ZNF709: variants seen among roughly 807,000 people sequenced by gnomAD.
The protein encoded by ZNF709 is zinc finger protein 709.
ZNF709 carries 15 observed loss-of-function variants against 10.6 expected under a neutral mutation model. The ratio of observed to expected loss-of-function variants is 1.41; its 90% CI spans 0.95 to 2.18. The LOEUF (loss-of-function observed/expected upper bound fraction) is 2.18. Among genes scored for constraint, ZNF709 ranks in the 30% most tolerant of loss-of-function variants. The probability of loss-of-function intolerance (pLI) is 0.00; values close to 1 mark genes in which losing one functional copy is unlikely to be tolerated. For missense variants in ZNF709, 589 were observed against 774.0 expected (o/e 0.76, Z 2.84); for synonymous variants, 194 against 238.8 (o/e 0.81, Z 1.73).
chr19:12,482,834 C>T (rs1470513774), intron 1 of ZNF709, among the ~76,000 whole-genome samples: 1 of 152,074 alleles, frequency 6.6e-6, no homozygotes, highest in Non-Finnish European at 1.5e-5. Flanking sequence ...AACAACTGGG[C>T]CTTCGATTAC....
Position 12,466,758 on chromosome 19 carries a change from C to T in ZNF709, c.96G>A (p.Val32=), listed in dbSNP as rs541360219. ...CCAAGTTAACAAAGGTTTCTTGCAT[C>T]ACATCTCTGTAGAGTTTCTTCTGAG... ...GPSQKKLYRD[V]MQETFVNLAS... The change falls in exon 2 of 4, where the codon GTG becomes GTA. Residue 32 remains valine, a synonymous_variant. Coordinates refer to ENST00000397732, the MANE Select transcript of ZNF709 (RefSeq NM_152601.4). 1.3e-4 allele frequency: 217 copies of T among 1,613,874 alleles called. No homozygotes were observed. The highest frequency in any genetic ancestry group is 1.8e-4 in the Non-Finnish European group (208 of 1,179,976).
In ZNF709 at chr19:12,464,914, A is replaced by G. The variant is rs756567986; in HGVS notation, c.1008T>C (p.Tyr336=). Residue 336 remains tyrosine, a synonymous_variant, in exon 4 of 4, where the codon TAT becomes TAC. Coordinates refer to ENST00000397732, the MANE Select transcript of ZNF709 (RefSeq NM_152601.4). ...HERIHTGEKP[Y]DCKECGKAFI... ...ATGCTTTCCCACATTCCTTACAATC[A>G]TAGGGTTTCTCTCCTGTATGAATTC... 21 of 1,612,782 alleles carry G rather than the reference A, an allele frequency of 1.3e-5. No individual in the cohort carries two copies. Among genetic ancestry groups the G allele is most frequent in the Non-Finnish European group, 1.6e-5 (19 of 1,179,572 alleles).
intron 1 of ZNF709, among the ~76,000 whole-genome samples, chr19:12,479,185 C>G (rs972837630): frequency 2.6e-5 from 4 of 152,020 alleles, no homozygotes; most frequent in African/African-American, 9.7e-5. Flanking sequence ...CACCTGTAGT[C>G]CCAGCTACTG....
chr19:12,480,720 A>G (rs905507616), intron 1 of ZNF709, among the ~76,000 whole-genome samples: 3 of 151,304 alleles, frequency 2.0e-5, no homozygotes, highest in Non-Finnish European at 4.4e-5. Context: ...TTTTCCTTTC[A>G]GTTCCAGTGG....
intron 3 of ZNF709, 119 bp from the exon 4 acceptor site, chr19:12,465,852 C>T: frequency 1.2e-6 from 1 of 800,556 alleles, no homozygotes; most frequent in Non-Finnish European, 1.8e-6. Flanking sequence ...TTGCCATTTT[C>T]AGGGAAAGTG....
chr19:12,482,564 T>C (rs540994598), intron 1 of ZNF709, among the ~76,000 whole-genome samples: 1 of 152,274 alleles, frequency 6.6e-6, no homozygotes, highest in East Asian at 1.9e-4. Context: ...TCCTGGCCTT[T>C]ACAGACTTTC....
chr19:12,481,282 T>C (rs1970724751), intron 1 of ZNF709: 1 of 641,992 alleles, frequency 1.6e-6, no homozygotes, highest in Non-Finnish European at 1.9e-6. Context: ...CCAGGCTGGA[T>C]TGCAGTGCAC....
At chr19:12,473,049 G>A (rs773963983) in intron 1 of ZNF709, among the ~76,000 whole-genome samples, 1 of 152,184 alleles carries the variant, frequency 6.6e-6, no homozygotes, top group Non-Finnish European at 1.5e-5. Context: ...ATGAATGGAA[G>A]AAAGATCAAC....
At chr19:12,472,361 A>C (rs1970640598) in intron 1 of ZNF709, among the ~76,000 whole-genome samples, 1 of 151,762 alleles carries the variant, frequency 6.6e-6, no homozygotes, top group Admixed American at 6.6e-5. Context: ...ATCTCTACTA[A>C]AAATACAAAA....
intron 3 of ZNF709, among the ~76,000 whole-genome samples, chr19:12,466,178 TG>T (rs1333982407): frequency 1.3e-5 from 2 of 152,144 alleles, no homozygotes; most frequent in Non-Finnish European, 2.9e-5. Context: ...ACACCTCAGG[TG>T]ATCTGCCCAC....
At chr19:12,465,958 T>G (rs1402470769) in intron 3 of ZNF709, among the ~76,000 whole-genome samples, 2 of 139,008 alleles carry the variant, frequency 1.4e-5, no homozygotes, top group Non-Finnish European at 1.6e-5. Context: ...TTTTTTTTTT[T>G]GAGACAGAGT....
chr19:12,470,981 A>C (rs1970630431), intron 1 of ZNF709, among the ~76,000 whole-genome samples: 1 of 151,730 alleles, frequency 6.6e-6, no homozygotes, highest in Non-Finnish European at 1.5e-5. Flanking sequence ...TGGAATCAAT[A>C]GAGTATATAT....
chr19:12,467,798 G>A (rs1402809541), intron 1 of ZNF709, among the ~76,000 whole-genome samples: 7 of 150,658 alleles, frequency 4.6e-5, no homozygotes, highest in East Asian at 2.0e-4. Flanking sequence ...CCGCGACCCC[G>A]TCTGGGAGGT....
chr19:12,469,989 T>C (rs1327889629), intron 1 of ZNF709, among the ~76,000 whole-genome samples: 1 of 152,146 alleles, frequency 6.6e-6, no homozygotes, highest in African/African-American at 2.4e-5. Context: ...CATACTGAAT[T>C]TGCCCATGAT....
In ZNF709 at chr19:12,480,438, CTT is replaced by C. The variant is rs565138725; in HGVS notation, c.3+4215_3+4216del. Among the ~76,000 whole-genome samples, 185 of 152,314 alleles carry C rather than the reference CTT, an allele frequency of 1.2e-3. 1 individual carries two copies. Among genetic ancestry groups the C allele is most frequent in the African/African-American group, 4.3e-3 (179 of 41,576 alleles). ...GTGGCTCACGCCTGTAATCCCAGCA[CTT>C]TGGGAGGCCGAGGCGGGTGGATCAT... On this transcript the variant is annotated intron_variant, in intron 1 of 3. Transcript: ENST00000397732.
intron 1 of ZNF709, among the ~76,000 whole-genome samples, chr19:12,471,042 G>C (rs1970630884): frequency 6.6e-6 from 1 of 151,998 alleles, no homozygotes; most frequent in African/African-American, 2.4e-5. Context: ...ATGCCAGGCA[G>C]AGGATGCCTA....
intron 1 of ZNF709, among the ~76,000 whole-genome samples, chr19:12,483,307 ATTTTT>A (rs35777030): frequency 5.3e-5 from 5 of 95,228 alleles, no homozygotes; most frequent in African/African-American, 1.9e-4. Context: ...CGCCCAGCTA[ATTTTT>A]TTTTTTTTTT....
At chr19:12,468,009 C>T (rs967250757) in intron 1 of ZNF709, among the ~76,000 whole-genome samples, 2 of 150,544 alleles carry the variant, frequency 1.3e-5, no homozygotes, top group African/African-American at 2.4e-5. Context: ...CCAGCCGCCC[C>T]GTCCGGGAGG....
At chr19:12,479,444 T>G (rs1008370711) in intron 1 of ZNF709, among the ~76,000 whole-genome samples, 1 of 152,242 alleles carries the variant, frequency 6.6e-6, no homozygotes, top group East Asian at 1.9e-4. Flanking sequence ...AACTTCCACA[T>G]GCATGATTTC....
Sources: allele counts gnomAD v4.1 joint callset (sites outside exome capture counted in the v4.1 genomes callset), GRCh38; gene constraint gnomAD v4.1.1; transcripts MANE v1.5; gene names NCBI Gene and HGNC (gene_info 2026-07-23, HGNC 2026-07-21).